The following XIRP2 variants were observed in gnomAD, a reference collection of about 807,000 sequenced individuals.
The protein encoded by XIRP2 is xin actin-binding repeat-containing protein 2.
XIRP2 carries 236 observed loss-of-function variants against 277.0 expected under a neutral mutation model. The observed-to-expected ratio is 0.85, with a 90% CI of 0.77 to 0.95. The LOEUF (loss-of-function observed/expected upper bound fraction) is 0.95, where lower values mean the gene tolerates loss of function less well. Ranked by LOEUF, XIRP2 falls within the 40% of genes least tolerant of loss-of-function variation. The probability of loss-of-function intolerance (pLI) is 0.00; values close to 1 mark genes in which losing one functional copy is unlikely to be tolerated. For synonymous variants in XIRP2, 1,490 were observed against 1,416.5 expected, an observed-to-expected ratio of 1.05 and a Z score of -1.17; for missense variants, 4,640 against 4,157.5, an observed-to-expected ratio of 1.12 and a Z score of -3.19.
At chr2:167,078,744 G>A (rs1163183753) in intron 2 of XIRP2, among the ~76,000 whole-genome samples, 1 of 151,804 alleles carries the variant, frequency 6.6e-6, no homozygotes, top group Non-Finnish European at 1.5e-5. Context: ...GGCTGAGGCA[G>A]GAGAATGGCA....
At chr2:166,933,597 T>A (rs1685411286) in intron 2 of XIRP2, among the ~76,000 whole-genome samples, 1 of 151,880 alleles carries the variant, frequency 6.6e-6, no homozygotes, top group African/African-American at 2.4e-5. Context: ...AAAATTGATA[T>A]ATAAGTTTAA....
intron 2 of XIRP2, among the ~76,000 whole-genome samples, chr2:167,088,602 G>T (rs1690038672): frequency 6.6e-6 from 1 of 152,082 alleles, no homozygotes; most frequent in Non-Finnish European, 1.5e-5. Context: ...TCTTAATTTG[G>T]CCATAACATT....
chr2:167,113,564 T>C (rs563441605), intron 2 of XIRP2, among the ~76,000 whole-genome samples: 20 of 152,298 alleles, frequency 1.3e-4, no homozygotes, highest in African/African-American at 4.8e-4. Context: ...CTCTTGAAGA[T>C]AGCATACCAT....
chr2:167,038,154 A>G lies in XIRP2; in HGVS notation c.409-97755A>G, dbSNP rs572358559. Reference sequence around the variant, plus strand: ...TCTTTGAATATTTTTCTTTTGAGTTATGTGCATTTTTGAATAAAAAATTTT... The same window carrying G: ...TCTTTGAATATTTTTCTTTTGAGTTGTGTGCATTTTTGAATAAAAAATTTT... On this transcript the variant is annotated intron_variant, in intron 2 of 10. Transcript: ENST00000409195. Among the ~76,000 whole-genome samples the G allele has an allele frequency of 6.6e-5, 10 of 152,104 alleles. No individual in the cohort carries two copies. The South Asian group carries it at 2.1e-3, about 32-fold the overall frequency.
intron 2 of XIRP2, among the ~76,000 whole-genome samples, chr2:166,919,472 AT>A (rs1230410883): frequency 6.6e-6 from 1 of 152,158 alleles, no homozygotes; most frequent in Non-Finnish European, 1.5e-5. Context: ...TTTTTGCCCC[AT>A]TTGTGGAACA....
intron 3 of XIRP2, among the ~76,000 whole-genome samples, chr2:167,152,060 T>C (rs2105332293): frequency 6.6e-6 from 1 of 152,300 alleles, no homozygotes; most frequent in Non-Finnish European, 1.5e-5. Context: ...CTGGCAGTTC[T>C]CTCTGTGAGA....
In XIRP2 at chr2:167,251,051, C is replaced by A; in HGVS notation, c.9659C>A (p.Thr3220Lys). 6.2e-7 allele frequency: 1 copy of A among 1,613,656 alleles called. No individual in the cohort carries two copies. ...KRSEIIMSPATLRRQIKIETR... is the reference protein window; with the variant it reads ...KRSEIIMSPAKLRRQIKIETR... ...TCTGAAATCATCATGTCTCCTGCAA[C>A]ACTTCGTCGTCAAATTAAGATAGAA... Residue 3220 changes from threonine to lysine, a missense_variant, in exon 9 of 11, where the codon ACA (threonine) becomes AAA (lysine). Thr to Lys is a moderately conservative substitution (Grantham distance 78). Transcript: ENST00000409195.
chr2:167,015,418 TTATCTATC>T (rs143244808), intron 2 of XIRP2, among the ~76,000 whole-genome samples: 1,475 of 147,260 alleles, frequency 0.01, 16 homozygotes, highest in African/African-American at 0.033. Flanking sequence ...TATCTGTCTT[TTATCTATC>T]TATCTATCTA....
intron 10 of XIRP2, among the ~76,000 whole-genome samples, chr2:167,254,913 T>G (rs1695615955): frequency 6.6e-6 from 1 of 151,748 alleles, no homozygotes; most frequent in Non-Finnish European, 1.5e-5. Context: ...ATTGATTTTT[T>G]TTTTTTTTGG....
At chr2:167,111,363 A>G (rs1032207323) in intron 2 of XIRP2, among the ~76,000 whole-genome samples, 4 of 152,218 alleles carry the variant, frequency 2.6e-5, no homozygotes, top group Admixed American at 6.5e-5. Flanking sequence ...TGCCAAGTTT[A>G]TAGAGGGTTT....
At chr2:167,091,850 T>A (rs1019982845) in intron 2 of XIRP2, among the ~76,000 whole-genome samples, 3 of 152,288 alleles carry the variant, frequency 2.0e-5, no homozygotes, top group African/African-American at 7.2e-5. Flanking sequence ...ATGGTTCTCC[T>A]TCCTTTTCAG....
intron 2 of XIRP2, among the ~76,000 whole-genome samples, chr2:166,927,867 T>C (rs1372539943): frequency 1.3e-5 from 2 of 152,166 alleles, no homozygotes; most frequent in African/African-American, 4.8e-5. Flanking sequence ...GCCATGAATA[T>C]GCTTTTATTT....
At chr2:166,959,102 T>C (rs189824599) in intron 2 of XIRP2, among the ~76,000 whole-genome samples, 2 of 151,952 alleles carry the variant, frequency 1.3e-5, no homozygotes, top group Admixed American at 1.3e-4. Flanking sequence ...GCCATCACTA[T>C]GTACTCGAGA....
chr2:167,139,140 C>A (rs1256867164), intron 3 of XIRP2, among the ~76,000 whole-genome samples: 2 of 150,848 alleles, frequency 1.3e-5, no homozygotes, highest in African/African-American at 2.4e-5. Flanking sequence ...TGTTGAATTT[C>A]TTTTAGATAT....
rs188632898 is a variant in XIRP2, at chr2:167,055,004, T to A, written c.409-80905T>A. On this transcript the variant is annotated intron_variant, in intron 2 of 10. Coordinates refer to ENST00000409195, the MANE Select transcript of XIRP2 (RefSeq NM_152381.6). ...GCTCACTATTCTATGGGTTAGAATT[T>A]TGATCAAAGCTAGCTGTAGGGTTCT... is the stretch of plus-strand genomic sequence containing the variant. Among the ~76,000 whole-genome samples the A allele has an allele frequency of 3.0e-3, 463 of 152,332 alleles. 2 individuals are homozygous for A. Among genetic ancestry groups the A allele is most frequent in the African/African-American group, 0.011 (445 of 41,588 alleles).
intron 2 of XIRP2, among the ~76,000 whole-genome samples, chr2:167,076,630 A>G (rs1689580424): frequency 6.6e-6 from 1 of 152,168 alleles, no homozygotes; most frequent in Non-Finnish European, 1.5e-5. Context: ...GCTTTTTGGC[A>G]GTCATTTGTT....
At chr2:167,121,014 G>A (rs1574272598) in intron 2 of XIRP2, among the ~76,000 whole-genome samples, 2 of 152,262 alleles carry the variant, frequency 1.3e-5, no homozygotes, top group East Asian at 3.9e-4. Context: ...TCAAAAGTGA[G>A]TGATATTATT....
At chr2:167,170,894 C>CTT (rs773187641) in intron 3 of XIRP2, among the ~76,000 whole-genome samples, 1,382 of 92,554 alleles carry the variant, frequency 0.015, 10 homozygotes, top group African/African-American at 0.021. Flanking sequence ...TGCCTTTCTT[C>CTT]TTTTTTTTTT....
chr2:167,058,131 C>T (rs561291001), intron 2 of XIRP2, among the ~76,000 whole-genome samples: 22 of 151,206 alleles, frequency 1.5e-4, no homozygotes, highest in African/African-American at 4.4e-4. Context: ...GGCATGATCG[C>T]GGCTCACTGC....
Sources: allele counts gnomAD v4.1 joint callset (sites outside exome capture counted in the v4.1 genomes callset), GRCh38; gene constraint gnomAD v4.1.1; transcripts MANE v1.5; gene names NCBI Gene and HGNC (gene_info 2026-07-23, HGNC 2026-07-21).